Variants in TBC1D1 observed in about 807,000 individuals in gnomAD.
TBC1D1 encodes TBC1 (tre-2/USP6, BUB2, cdc16) domain family, member 1.
TBC1D1 carries 89 observed loss-of-function variants against 125.6 expected under a neutral mutation model. The ratio of observed to expected loss-of-function variants is 0.71; its 90% CI spans 0.60 to 0.85. The LOEUF (loss-of-function observed/expected upper bound fraction) is 0.85. TBC1D1 is among the 40% of genes least tolerant of loss of function. The probability of loss-of-function intolerance (pLI) is 0.00; values close to 1 mark genes in which losing one functional copy is unlikely to be tolerated. For synonymous variants in TBC1D1, 565 were observed against 564.1 expected, an observed-to-expected ratio of 1.00 and a Z score of -0.02; for missense variants, 1,377 against 1,469.2, an observed-to-expected ratio of 0.94 and a Z score of 1.03.
At chr4:37,972,642 A>G (rs2078617546) in intron 2 of TBC1D1, among the ~76,000 whole-genome samples, 2 of 151,994 alleles carry the variant, frequency 1.3e-5, no homozygotes, top group African/African-American at 4.8e-5. Flanking sequence ...GCAGTGGCTC[A>G]TGCCTGTAAT....
In TBC1D1 at chr4:38,014,988, A is replaced by T; in HGVS notation, c.882+15A>T. 3.9e-6 allele frequency: 6 copies of T among 1,519,052 alleles called. No homozygotes were observed. The highest frequency in any genetic ancestry group is 5.3e-6 in the Non-Finnish European group (6 of 1,130,846). The allele number at this position is 1,519,052 out of a possible 1,614,324, so 94.1% of individuals were successfully genotyped here. On this transcript the variant is annotated intron_variant, in intron 3 of 19. Coordinates refer to ENST00000261439, the MANE Select transcript of TBC1D1 (RefSeq NM_015173.4). This position sits in a 1 kb window ranked among gnomAD's most constrained non-coding sequence, Gnocchi z 5.1. ...TGCTCTTCACGGTAAAATATCACCC[A>T]GCTCGTGCACAGCCCCAGTCTGCCA...
chr4:38,103,784 A>G (rs1442709772), intron 15 of TBC1D1, among the ~76,000 whole-genome samples: 1 of 152,188 alleles, frequency 6.6e-6, no homozygotes, highest in Non-Finnish European at 1.5e-5. Flanking sequence ...ACAATAATAT[A>G]GATTTTAAAA....
intron 2 of TBC1D1, among the ~76,000 whole-genome samples, chr4:37,968,329 T>C (rs1406158361): frequency 1.3e-5 from 2 of 152,196 alleles, no homozygotes; most frequent in Non-Finnish European, 2.9e-5. Flanking sequence ...TACCCTGCAG[T>C]CTTCTTAGTA....
chr4:37,981,593 G>A (rs890782543), intron 2 of TBC1D1, among the ~76,000 whole-genome samples: 2 of 152,190 alleles, frequency 1.3e-5, no homozygotes, highest in East Asian at 3.9e-4. Context: ...TGGTGCAGGG[G>A]TGGCATTCCA....
chr4:38,113,187 C>A (rs1762465071), intron 15 of TBC1D1, among the ~76,000 whole-genome samples: 1 of 152,158 alleles, frequency 6.6e-6, no homozygotes, highest in African/African-American at 2.4e-5. Flanking sequence ...TTAGGAATTT[C>A]AAGACAGAGA....
chr4:38,043,188 C>T (rs546384114), intron 8 of TBC1D1, among the ~76,000 whole-genome samples: 1 of 152,180 alleles, frequency 6.6e-6, no homozygotes, highest in African/African-American at 2.4e-5. Context: ...AGGCATGAGC[C>T]ACTGCGCCTG....
intron 12 of TBC1D1, among the ~76,000 whole-genome samples, chr4:38,075,644 A>G (rs1755459412): frequency 6.6e-6 from 1 of 152,236 alleles, no homozygotes; most frequent in South Asian, 2.1e-4. Context: ...CTGAACTCAG[A>G]TCACGTCCAG....
intron 8 of TBC1D1, among the ~76,000 whole-genome samples, chr4:38,041,759 A>G (rs1174250050): frequency 1.3e-5 from 2 of 152,262 alleles, no homozygotes; most frequent in African/African-American, 2.4e-5. Context: ...TTATGGACAC[A>G]TACATATAAA....
rs1333044702 is a variant in TBC1D1 at position 38,044,416 on chromosome 4, C to T, written c.1468C>T (p.Arg490Ter). The change falls in exon 9 of 20, where the codon CGA becomes TGA. Residue 490 changes from arginine (R) to a stop codon, truncating the protein, a stop_gained. Coordinates refer to ENST00000261439, the MANE Select transcript of TBC1D1 (RefSeq NM_015173.4). LOFTEE classifies it high-confidence loss of function. ...AAGTGAATTACCACCCAGTGCCACT[C>T]GATTTAGGCTAGATATGCTGAAAAA... The T allele has an allele frequency of 1.2e-6, 2 of 1,613,348 alleles. No individual in the cohort carries two copies. The highest frequency in any genetic ancestry group is 1.7e-6 in the Non-Finnish European group (2 of 1,179,814).
At chr4:37,940,906 T>C (rs1478051542) in intron 2 of TBC1D1, among the ~76,000 whole-genome samples, 1 of 152,222 alleles carries the variant, frequency 6.6e-6, no homozygotes, top group African/African-American at 2.4e-5. Flanking sequence ...CTTTTTGATG[T>C]GCGGCTGGGT....
chr4:38,121,540 G>A (rs546408961), intron 17 of TBC1D1, among the ~76,000 whole-genome samples: 4 of 152,230 alleles, frequency 2.6e-5, no homozygotes, highest in African/African-American at 9.6e-5. Context: ...AGAAGGAAGA[G>A]GCAGGAGAAA....
At chr4:37,963,301 T>C (rs1008239913) in intron 2 of TBC1D1, among the ~76,000 whole-genome samples, 6 of 151,116 alleles carry the variant, frequency 4.0e-5, no homozygotes, top group Non-Finnish European at 7.4e-5. Flanking sequence ...GCTCAGCTTC[T>C]GGGGAGGCCT....
rs1019329815 is a variant in TBC1D1 at position 37,995,916 on chromosome 4, T to C, written c.418-18593T>C. Reference sequence around the variant, plus strand: ...AACCATGGCAAGCAGCGACAGGACCTTCTCATTCCCAGGGAGAAATCCACA... The same window carrying C: ...AACCATGGCAAGCAGCGACAGGACCCTCTCATTCCCAGGGAGAAATCCACA... On this transcript the variant is annotated intron_variant, in intron 2 of 19. Coordinates refer to ENST00000261439, the MANE Select transcript of TBC1D1 (RefSeq NM_015173.4). This position sits in a 1 kb window ranked among gnomAD's most constrained non-coding sequence, Gnocchi z 4.3. 1.7e-5 allele frequency: 10 copies of C among 580,296 alleles called. No homozygotes were observed. The African/African-American group carries it at 1.9e-4, about 11-fold the overall frequency. The allele number at this position is 580,296 out of a possible 1,614,324, so 35.9% of individuals were successfully genotyped here. A position where few individuals can be genotyped will look rare whatever the true frequency, so the allele number is the denominator to read the frequency against.
chr4:37,948,370 T>G (rs183551973), intron 2 of TBC1D1, among the ~76,000 whole-genome samples: 1 of 152,302 alleles, frequency 6.6e-6, no homozygotes, highest in East Asian at 1.9e-4. Flanking sequence ...CTCACGCCTG[T>G]TAATTCCAGC....
At chr4:38,105,884 G>C (rs1761211319) in intron 15 of TBC1D1, among the ~76,000 whole-genome samples, 1 of 152,158 alleles carries the variant, frequency 6.6e-6, no homozygotes, top group Non-Finnish European at 1.5e-5. Context: ...ATTGTGAATA[G>C]TGCTGTGATG....
intron 2 of TBC1D1, among the ~76,000 whole-genome samples, chr4:37,958,870 G>A (rs1276366875): frequency 1.3e-5 from 2 of 152,184 alleles, no homozygotes; most frequent in Admixed American, 1.3e-4. Flanking sequence ...TGGAATGCCT[G>A]CAGATTGGCA....
intron 12 of TBC1D1, among the ~76,000 whole-genome samples, chr4:38,078,709 C>T (rs958569956): frequency 8.5e-5 from 13 of 152,182 alleles, no homozygotes; most frequent in Non-Finnish European, 1.8e-4. Flanking sequence ...GTACTGCCAC[C>T]CTGATCTTGG....
intron 2 of TBC1D1, among the ~76,000 whole-genome samples, chr4:37,996,723 T>C (rs1286669669): frequency 6.6e-6 from 1 of 152,278 alleles, no homozygotes; most frequent in Non-Finnish European, 1.5e-5. Flanking sequence ...GTGTAATTTT[T>C]CTGTTCATTT....
In TBC1D1 at chr4:38,137,685, A is replaced by G. The variant is rs1350709984; in HGVS notation, c.*350A>G. The G allele has an allele frequency of 3.3e-5, 7 of 212,838 alleles. No individual in the cohort carries two copies. The highest frequency in any genetic ancestry group is 6.5e-5 in the Non-Finnish European group (7 of 108,456). 13.2% of individuals were successfully genotyped at this position (212,838 alleles called of 1,614,324 possible). Reference sequence around the variant, plus strand: ...GCATTCACAATACGGTGGAATTTCAAAAGCTGGAAGAGCTCGAGATCATGC... The same window carrying G: ...GCATTCACAATACGGTGGAATTTCAGAAGCTGGAAGAGCTCGAGATCATGC... On this transcript the variant is annotated 3_prime_UTR_variant, in exon 20 of 20. Transcript: ENST00000261439.
Sources: allele counts gnomAD v4.1 joint callset (sites outside exome capture counted in the v4.1 genomes callset), GRCh38; gene constraint gnomAD v4.1.1; non-coding constraint Gnocchi (gnomAD v3.1); transcripts MANE v1.5; gene names NCBI Gene and HGNC (gene_info 2026-07-23, HGNC 2026-07-21).